Variants in KCNMB2 observed in about 807,000 individuals in gnomAD.
KCNMB2 encodes the protein calcium-activated potassium channel subunit beta-2.
In KCNMB2, 9 loss-of-function variants were observed where a neutral mutation model predicts 24.5. The observed-to-expected ratio is 0.37, with a 90% confidence interval of 0.22 to 0.64. The LOEUF is 0.64. KCNMB2 is among the 30% of genes least tolerant of loss of function. The probability of loss-of-function intolerance (pLI) is 0.63; values close to 1 mark genes in which losing one functional copy is unlikely to be tolerated. For synonymous variants in KCNMB2, 109 were observed against 104.4 expected, an observed-to-expected ratio of 1.04 and a Z score of -0.27; for missense variants, 226 against 284.3, an observed-to-expected ratio of 0.79 and a Z score of 1.47.
intron 1 of KCNMB2, among the ~76,000 whole-genome samples, chr3:178,574,582 G>T (rs554728584): frequency 9.2e-5 from 14 of 152,184 alleles, no homozygotes; most frequent in Middle Eastern, 6.8e-3. Flanking sequence ...TTCTCATCCA[G>T]TCCGTGTCAG....
intron 1 of KCNMB2, among the ~76,000 whole-genome samples, chr3:178,592,633 C>G (rs190704953): frequency 7.4e-4 from 112 of 152,220 alleles, no homozygotes; most frequent in African/African-American, 2.5e-3. Context: ...ATCTGTTAAC[C>G]TGTAATCTGG....
chr3:178,591,377 G>A (rs1387432929), intron 1 of KCNMB2, among the ~76,000 whole-genome samples: 3 of 151,986 alleles, frequency 2.0e-5, no homozygotes, highest in Admixed American at 1.3e-4. Flanking sequence ...GGCTCATTCT[G>A]TCTTTTTCTA....
At chr3:178,749,882 T>C (rs1723787525) in intron 1 of KCNMB2, among the ~76,000 whole-genome samples, 1 of 152,218 alleles carries the variant, frequency 6.6e-6, no homozygotes. Flanking sequence ...AAAGCTGATT[T>C]AATTTACCAC....
At position 178,808,568 on chromosome 3, in the gene KCNMB2, A is replaced by G. The variant is rs948208115; in HGVS notation, c.56+1103A>G. Reference sequence around the variant, plus strand: ...CTAAAACCTGAATTGCCTCACAGATAAAAATTCTTTTAAAAATTTCAAAAG... The same window carrying G: ...CTAAAACCTGAATTGCCTCACAGATGAAAATTCTTTTAAAAATTTCAAAAG... On this transcript the variant is annotated intron_variant, in intron 2 of 4. Transcript: ENST00000452583. Among the ~76,000 whole-genome samples the G allele has an allele frequency of 7.9e-5, 12 of 152,236 alleles. 1 individual carries two copies. Among genetic ancestry groups the G allele is most frequent in the African/African-American group, 2.9e-4 (12 of 41,464 alleles).
intron 1 of KCNMB2, among the ~76,000 whole-genome samples, chr3:178,656,291 G>C (rs756510765): frequency 1.3e-5 from 2 of 152,166 alleles, no homozygotes; most frequent in Non-Finnish European, 2.9e-5. Flanking sequence ...TCCAGGAACA[G>C]GCAAGCTTTC....
chr3:178,594,304 G>A lies in KCNMB2; in HGVS notation c.-68+57593G>A, dbSNP rs565161818. Among the ~76,000 whole-genome samples the A allele has an allele frequency of 2.0e-5, 3 of 152,186 alleles. No individual in the cohort carries two copies. In the South Asian group the frequency reaches 6.2e-4, roughly 32 times the overall value. ...ATGGTGAGAATGTCTGTGAGAGTGA[G>A]AAGCGTGAGAAGAGCAAAAGCAGAG... On this transcript the variant is annotated intron_variant, in intron 1 of 4. Transcript: ENST00000452583.
intron 1 of KCNMB2, among the ~76,000 whole-genome samples, chr3:178,697,957 A>G (rs1721943236): frequency 6.6e-6 from 1 of 152,062 alleles, no homozygotes; most frequent in South Asian, 2.1e-4. Context: ...ACAGGGTTTC[A>G]GCTAAGAGGT....
chr3:178,722,342 A>G (rs1452286280), intron 1 of KCNMB2, among the ~76,000 whole-genome samples: 2 of 152,228 alleles, frequency 1.3e-5, no homozygotes, highest in Non-Finnish European at 2.9e-5. Flanking sequence ...TGGGTAATTT[A>G]TAAAGAAAAG....
At chr3:178,673,378 A>G (rs1720970157) in intron 1 of KCNMB2, among the ~76,000 whole-genome samples, 1 of 151,926 alleles carries the variant, frequency 6.6e-6, no homozygotes, top group Non-Finnish European at 1.5e-5. Context: ...TTCATATCTC[A>G]TTATTTCTTA....
chr3:178,822,659 G>C (rs1714678609), intron 2 of KCNMB2, among the ~76,000 whole-genome samples: 1 of 152,100 alleles, frequency 6.6e-6, no homozygotes, highest in African/African-American at 2.4e-5. Context: ...CATTTTGCTG[G>C]GTAGTATCCT....
rs61148761 is a variant in KCNMB2, at chr3:178,751,573, CAAAAAAAAAAAAAAAAAA to C, written c.-67-55755_-67-55738del. 2.7e-4 allele frequency among the ~76,000 whole-genome samples: 13 copies of C among 47,712 alleles called. No individual in the cohort carries two copies. The East Asian group carries it at 8.8e-3, about 32-fold the overall frequency. The allele number at this position is 47,712 out of a possible 152,430, so 31.3% of individuals were successfully genotyped here. The stretch of plus-strand genomic sequence containing the variant: ...CGAGCAACAGTGCGAGACTCCGTCT[CAAAAAAAAAAAAAAAAAA>C]AAAAAAAAAAAAAAGCAGTTACAAG... On this transcript the variant is annotated intron_variant, in intron 1 of 4. Transcript: ENST00000452583.
chr3:178,825,630 A>G lies in KCNMB2; in HGVS notation c.99A>G (p.Lys33=), dbSNP rs1714803160. ...TCAGGGACCATGACCTCCTGGACAA[A>G]AGGAAAACAGTCACAGCACTGAAGG... The part of the protein sequence containing the change: ...QKIRDHDLLD[K]RKTVTALKAG... The change falls in exon 3 of 5, where the codon AAA becomes AAG. Residue 33 remains lysine, a synonymous_variant. Coordinates refer to ENST00000452583, the MANE Select transcript of KCNMB2 (RefSeq NM_181361.3). 1.2e-6 allele frequency: 2 copies of G among 1,613,882 alleles called. No individual in the cohort carries two copies. The highest frequency in any genetic ancestry group is 1.7e-6 in the Non-Finnish European group (2 of 1,179,888).
chr3:178,591,865 T>C lies in KCNMB2; in HGVS notation c.-68+55154T>C, dbSNP rs1177840165. On this transcript the variant is annotated intron_variant, in intron 1 of 4. Coordinates refer to ENST00000452583, the MANE Select transcript of KCNMB2 (RefSeq NM_181361.3). ...AGGTTGAAAAGATCAGGCCCAGCTT[T>C]TCCCTACTCCCCTGGCTTCATTGAG... Among the ~76,000 whole-genome samples the C allele has an allele frequency of 2.0e-5, 3 of 152,278 alleles. No homozygotes were observed. The East Asian group carries it at 5.8e-4, about 29-fold the overall frequency.
intron 1 of KCNMB2, among the ~76,000 whole-genome samples, chr3:178,710,730 A>T (rs1722425460): frequency 6.6e-6 from 1 of 152,104 alleles, no homozygotes; most frequent in South Asian, 2.1e-4. Context: ...AATTCTCCCT[A>T]GTACTAAATG....
intron 1 of KCNMB2, among the ~76,000 whole-genome samples, chr3:178,571,755 C>T (rs1371195371): frequency 6.6e-6 from 1 of 151,854 alleles, no homozygotes; most frequent in Admixed American, 6.6e-5. Flanking sequence ...CATTGTTCAA[C>T]TCCCAATTAC....
At chr3:178,704,087 A>G (rs1331182836) in intron 1 of KCNMB2, among the ~76,000 whole-genome samples, 1 of 152,140 alleles carries the variant, frequency 6.6e-6, no homozygotes, top group Non-Finnish European at 1.5e-5. Flanking sequence ...GGCATTAGAA[A>G]TTGACAAAGT....
At chr3:178,787,247 T>A (rs895294416) in intron 1 of KCNMB2, among the ~76,000 whole-genome samples, 1 of 152,080 alleles carries the variant, frequency 6.6e-6, no homozygotes, top group African/African-American at 2.4e-5. Flanking sequence ...GGTAATAGCA[T>A]ATACTTAATG....
chr3:178,806,332 T>C (rs1048677243), intron 1 of KCNMB2, among the ~76,000 whole-genome samples: 1 of 152,192 alleles, frequency 6.6e-6, no homozygotes, highest in Non-Finnish European at 1.5e-5. Flanking sequence ...GATATATGCA[T>C]GTTCATTTCA....
chr3:178,645,658 G>A (rs1008384308), intron 1 of KCNMB2, among the ~76,000 whole-genome samples: 6 of 152,104 alleles, frequency 3.9e-5, no homozygotes, highest in Non-Finnish European at 8.8e-5. Context: ...TCCTGGATCA[G>A]TGTTAGTGGC....
Sources: gnomAD v4.1 joint callset for allele counts (sites outside exome capture counted in the v4.1 genomes callset) on GRCh38, gnomAD v4.1.1 for gene constraint, MANE v1.5 for transcripts, NCBI Gene and HGNC (gene_info 2026-07-23, HGNC 2026-07-21) for gene names.